The following GSK3B variants were observed in gnomAD, a reference collection of about 807,000 sequenced individuals.
GSK3B encodes glycogen synthase kinase-3 beta.
GSK3B carries 15 observed loss-of-function variants against 56.4 expected under a neutral mutation model. The ratio of observed to expected loss-of-function variants is 0.27; its 90% CI spans 0.18 to 0.41. GSK3B has a LOEUF of 0.41. Among genes scored for constraint, GSK3B ranks in the 10% least tolerant of loss-of-function variants. GSK3B has a pLI of 1.00. For synonymous variants in GSK3B, 181 were observed against 188.9 expected (o/e 0.96, Z 0.34); for missense variants, 300 against 513.4 (o/e 0.58, Z 4.02).
intron 10 of GSK3B, among the ~76,000 whole-genome samples, chr3:119,837,880 T>C (rs2055715385): frequency 6.8e-6 from 1 of 147,516 alleles, no homozygotes; most frequent in African/African-American, 2.5e-5. Flanking sequence ...TATATTTATA[T>C]TTTATATATA....
At chr3:120,052,332 G>T (rs958180764) in intron 1 of GSK3B, among the ~76,000 whole-genome samples, 1 of 152,088 alleles carries the variant, frequency 6.6e-6, no homozygotes, top group East Asian at 1.9e-4. Context: ...GTGAAAATAG[G>T]CTTTCTCAGA....
At chr3:119,947,872 CAAA>C (rs57902819) in intron 2 of GSK3B, among the ~76,000 whole-genome samples, 3 of 103,874 alleles carry the variant, frequency 2.9e-5, no homozygotes, top group Admixed American at 1.0e-4. Flanking sequence ...AACTCCATCT[CAAA>C]AAAAAAAAAA....
At chr3:119,869,534 G>C (rs1302123444) in intron 8 of GSK3B, among the ~76,000 whole-genome samples, 2 of 152,164 alleles carry the variant, frequency 1.3e-5, no homozygotes, top group Non-Finnish European at 2.9e-5. Context: ...GAAACACAAA[G>C]AATCCTTTCC....
intron 1 of GSK3B, among the ~76,000 whole-genome samples, chr3:120,022,734 C>A (rs1427309441): frequency 6.6e-6 from 1 of 152,118 alleles, no homozygotes. Flanking sequence ...TTTCTTTCTC[C>A]CCACAAAGCT....
At chr3:120,013,725 G>T (rs558499154) in intron 1 of GSK3B, among the ~76,000 whole-genome samples, 70 of 152,052 alleles carry the variant, frequency 4.6e-4, no homozygotes, top group Non-Finnish European at 8.2e-4. Context: ...TCTCTATCAT[G>T]TAGAGAAATA....
intron 6 of GSK3B, among the ~76,000 whole-genome samples, chr3:119,906,204 C>T (rs142306075): frequency 4.6e-5 from 7 of 152,182 alleles, no homozygotes; most frequent in East Asian, 3.9e-4. Context: ...AGTGACACAA[C>T]GTCTGCATAT....
At chr3:120,053,614 C>T (rs2058168870) in intron 1 of GSK3B, among the ~76,000 whole-genome samples, 1 of 152,186 alleles carries the variant, frequency 6.6e-6, no homozygotes, top group South Asian at 2.1e-4. Context: ...TATATAATTA[C>T]ATTAAACGGC....
intron 3 of GSK3B, among the ~76,000 whole-genome samples, chr3:119,946,155 C>G (rs1372312210): frequency 2.0e-5 from 3 of 149,916 alleles, no homozygotes; most frequent in Non-Finnish European, 4.4e-5. Context: ...GTTGTTAAAA[C>G]GTATTGTGTA....
chr3:120,091,432 T>C (rs959144874), intron 1 of GSK3B, among the ~76,000 whole-genome samples: 2 of 152,202 alleles, frequency 1.3e-5, no homozygotes, highest in Non-Finnish European at 2.9e-5. Flanking sequence ...CAAGAGTTAC[T>C]CCATCCTTAG....
chr3:119,855,848 G>A lies in GSK3B; in HGVS notation c.1096+7571C>T, dbSNP rs2056014998. ...CTGTCGTGCGGTGGGGGGAGGGGGA[G>A]GGGTAGCAGTAGGAGAAATACCTAA... On this transcript the variant is annotated intron_variant, in intron 9 of 10. Transcript: ENST00000264235. Among the ~76,000 whole-genome samples, 6 of 152,030 alleles carry A rather than the reference G, an allele frequency of 3.9e-5. No homozygotes were observed. In the South Asian group the frequency reaches 8.3e-4, roughly 21 times the overall value.
chr3:119,952,380 C>T lies in GSK3B; in HGVS notation c.283-5029G>A, dbSNP rs142892355. Among the ~76,000 whole-genome samples, 1,290 of 150,924 alleles carry T rather than the reference C, an allele frequency of 8.5e-3. 8 individuals carry two copies. Among genetic ancestry groups the T allele is most frequent in the Middle Eastern group, 0.014 (4 of 292 alleles). ...GCACACCCCTGTAATCCCAGCGACT[C>T]GGGAGGCGGAGGCAGGAGAATTGCT... is the stretch of plus-strand genomic sequence containing the variant. On this transcript the variant is annotated intron_variant, in intron 2 of 10. Transcript: ENST00000264235.
intron 1 of GSK3B, among the ~76,000 whole-genome samples, chr3:120,070,338 ACTG>A (rs1234121518): frequency 6.6e-6 from 1 of 152,218 alleles, no homozygotes. Context: ...TATTGTTATT[ACTG>A]CTAATAATAA....
chr3:120,094,415 C>T lies in GSK3B; in HGVS notation c.-981G>A, dbSNP rs969870684. The T allele has an allele frequency of 9.4e-6, 3 of 318,934 alleles. No individual in the cohort carries two copies. Among genetic ancestry groups the T allele is most frequent in the South Asian group, 4.0e-5 (1 of 24,772 alleles). 19.8% of individuals were successfully genotyped at this position (318,934 alleles called of 1,614,324 possible). ...CGGCGGCGGCGGCGGCGGCACAAGC[C>T]CGCATTCGCCCGGGTCAGGAGCTGC... is the stretch of plus-strand genomic sequence containing the variant. On this transcript the variant is annotated 5_prime_UTR_variant, in exon 1 of 11. Transcript: ENST00000264235.
In GSK3B at chr3:119,902,428, T is replaced by C. The variant is rs2056634056; in HGVS notation, c.813+3327A>G. ...ATTTATTTATTTATTTGTGACAGAG[T>C]CTGACTCTGCCGCCCAGGCTAGAGT... On this transcript the variant is annotated intron_variant, in intron 7 of 10. Transcript: ENST00000264235. Among the ~76,000 whole-genome samples the C allele has an allele frequency of 2.0e-5, 3 of 151,948 alleles. No homozygotes were observed. The South Asian group carries it at 6.2e-4, about 32-fold the overall frequency.
intron 1 of GSK3B, among the ~76,000 whole-genome samples, chr3:120,009,695 G>A (rs756824239): frequency 3.2e-4 from 49 of 152,058 alleles, no homozygotes; most frequent in Non-Finnish European, 5.7e-4. Flanking sequence ...TGTGGGGGGT[G>A]GGGGGCTAGG....
intron 3 of GSK3B, among the ~76,000 whole-genome samples, chr3:119,940,417 A>G (rs1482232945): frequency 3.3e-5 from 5 of 152,064 alleles, no homozygotes; most frequent in African/African-American, 1.2e-4. Context: ...ATATGCACAC[A>G]TACCTGCTCT....
chr3:119,863,394 G>C, intron 9 of GSK3B, 25 bp downstream of exon 9: 1 of 1,581,136 alleles, frequency 6.3e-7, no homozygotes, highest in Non-Finnish European at 8.7e-7. Context: ...TAGAACTGGT[G>C]AAGAGGCTAA....
In GSK3B at chr3:119,822,134, TCA is replaced by T. The variant is rs989111007; in HGVS notation, c.*4652_*4653del. ...ATATTTAAAATGAAAAAAAAATCAG[TCA>T]CAGAGGCATTCAAGTAGTAATAATG... is the stretch of plus-strand genomic sequence containing the variant. On this transcript the variant is annotated 3_prime_UTR_variant, in exon 11 of 11. Transcript: ENST00000264235. 9.9e-5 allele frequency: 19 copies of T among 191,948 alleles called. No individual in the cohort carries two copies. The highest frequency in any genetic ancestry group is 4.0e-4 in the African/African-American group (17 of 42,948). 11.9% of individuals were successfully genotyped at this position (191,948 alleles called of 1,614,324 possible).
intron 3 of GSK3B, among the ~76,000 whole-genome samples, chr3:119,928,240 C>T (rs894680992): frequency 9.9e-5 from 15 of 152,150 alleles, no homozygotes; most frequent in East Asian, 1.9e-4. Context: ...CTTTTGTTTG[C>T]ACTTTTTACT....
Sources: allele counts gnomAD v4.1 joint callset (sites outside exome capture counted in the v4.1 genomes callset), GRCh38; gene constraint gnomAD v4.1.1; transcripts MANE v1.5; gene names NCBI Gene and HGNC (gene_info 2026-07-23, HGNC 2026-07-21).